The following ZFR variants were observed in gnomAD, a reference collection of about 807,000 sequenced individuals.
ZFR encodes the protein zinc finger RNA binding protein, also known as zinc finger RNA-binding protein.
In ZFR, 19 loss-of-function variants were observed where a neutral mutation model predicts 130.7. The observed-to-expected ratio is 0.15, with a 90% CI of 0.10 to 0.21. The LOEUF is 0.21. Ranked by LOEUF, ZFR falls within the 10% of genes least tolerant of loss-of-function variation. The pLI is 1.00. For synonymous variants in ZFR, 466 were observed against 456.9 expected, an observed-to-expected ratio of 1.02 and a Z score of -0.25; for missense variants, 872 against 1,321.5, an observed-to-expected ratio of 0.66 and a Z score of 5.27.
chr5:32,426,995 AC>A (rs1291325508), intron 2 of ZFR, among the ~76,000 whole-genome samples: 1 of 152,072 alleles, frequency 6.6e-6, no homozygotes, highest in Non-Finnish European at 1.5e-5. Flanking sequence ...TAAACACTCC[AC>A]AAAAAACTGT....
intron 15 of ZFR, 142 bp from the exon 16 acceptor site, chr5:32,380,314 C>T (rs1384483357): frequency 1.9e-6 from 1 of 525,648 alleles, no homozygotes; most frequent in Non-Finnish European, 3.5e-6. Flanking sequence ...GAGTTATTTT[C>T]AATAAATTTA....
intron 15 of ZFR, among the ~76,000 whole-genome samples, chr5:32,381,759 A>G (rs986993170): frequency 6.6e-6 from 1 of 152,184 alleles, no homozygotes; most frequent in Non-Finnish European, 1.5e-5. Flanking sequence ...AGATGGACAC[A>G]GATTCTTCAG....
In ZFR at chr5:32,430,703, A is replaced by C. The variant is rs538094329; in HGVS notation, c.138-10600T>G. 4.6e-5 allele frequency among the ~76,000 whole-genome samples: 7 copies of C among 152,326 alleles called. No individual in the cohort carries two copies. In the East Asian group the frequency reaches 1.3e-3, roughly 29 times the overall value. On this transcript the variant is annotated intron_variant, in intron 2 of 19. Coordinates refer to ENST00000265069, the MANE Select transcript of ZFR (RefSeq NM_016107.5). ...AACTCTTATGAGCAGCCAGAGGGAA[A>C]AAACTGCCTACAGAGATTAAGTGAT...
Position 32,355,435 on chromosome 5 carries a change from A to T in ZFR, c.*325T>A, listed in dbSNP as rs1209013574. 2.9e-5 allele frequency: 5 copies of T among 175,220 alleles called. No homozygotes were observed. Among genetic ancestry groups the T allele is most frequent in the Non-Finnish European group, 6.0e-5 (5 of 83,702 alleles). 10.9% of individuals were successfully genotyped at this position (175,220 alleles called of 1,614,324 possible). On this transcript the variant is annotated 3_prime_UTR_variant, in exon 20 of 20. Coordinates refer to ENST00000265069, the MANE Select transcript of ZFR (RefSeq NM_016107.5). ...CACACATCCTGCATTAAATACAGTG[A>T]AGATTTAATAAGACAATGCACTAGT...
chr5:32,433,423 T>G (rs1245250656), intron 2 of ZFR, among the ~76,000 whole-genome samples: 1 of 152,220 alleles, frequency 6.6e-6, no homozygotes, highest in Non-Finnish European at 1.5e-5. Context: ...TCAATTTTGA[T>G]GCACAAACTT....
At chr5:32,397,385 A>G (rs1481499150) in intron 9 of ZFR, 47 bp from the exon 10 acceptor site, 1 of 1,592,280 alleles carries the variant, frequency 6.3e-7, no homozygotes, top group Non-Finnish European at 8.6e-7. Context: ...TGAAGATTAT[A>G]TCATTCATAA....
At chr5:32,373,190 C>G (rs1049090564) in intron 17 of ZFR, among the ~76,000 whole-genome samples, 2 of 152,084 alleles carry the variant, frequency 1.3e-5, no homozygotes, top group Non-Finnish European at 2.9e-5. Flanking sequence ...ATGAGGAGTT[C>G]AAGACCAGCC....
At chr5:32,365,619 C>T (rs1255378728) in intron 17 of ZFR, among the ~76,000 whole-genome samples, 1 of 151,122 alleles carries the variant, frequency 6.6e-6, no homozygotes, top group Admixed American at 6.6e-5. Flanking sequence ...AATGCAGTGG[C>T]ATGACCATGG....
chr5:32,441,535 CAT>C (rs1754474209), intron 2 of ZFR, among the ~76,000 whole-genome samples: 1 of 151,026 alleles, frequency 6.6e-6, no homozygotes, highest in Non-Finnish European at 1.5e-5. Flanking sequence ...AAAAAAACTG[CAT>C]ATGTTTTCAG....
At chr5:32,444,098 TGGGCCGGGCCAGGCCTGCAGC>T (rs1561936904) in intron 2 of ZFR, 110 bp downstream of exon 2, 34 of 898,412 alleles carry the variant, frequency 3.8e-5, no homozygotes, top group Non-Finnish European at 4.6e-5. Flanking sequence ...GCCGCCGGGC[TGGGCCGGGCCAGGCCTGCAGC>T]GGGCCGGGGC....
At chr5:32,381,276 G>A (rs1482967815) in intron 15 of ZFR, among the ~76,000 whole-genome samples, 2 of 152,076 alleles carry the variant, frequency 1.3e-5, no homozygotes, top group Admixed American at 1.3e-4. Context: ...ATTCATAAAA[G>A]TAGACAAAGG....
At chr5:32,398,777 C>T (rs1753375695) in intron 9 of ZFR, among the ~76,000 whole-genome samples, 2 of 150,636 alleles carry the variant, frequency 1.3e-5, no homozygotes, top group South Asian at 4.2e-4. Flanking sequence ...ACCTCCACCT[C>T]CCAGGTTCAA....
chr5:32,422,263 A>G (rs1310969804), intron 2 of ZFR, among the ~76,000 whole-genome samples: 2 of 152,164 alleles, frequency 1.3e-5, no homozygotes, highest in African/African-American at 2.4e-5. Context: ...AGGAATGACC[A>G]TATGTTCTGG....
At chr5:32,364,388 C>A in intron 17 of ZFR, 113 bp from the exon 18 acceptor site, 1 of 682,684 alleles carries the variant, frequency 1.5e-6, no homozygotes, top group South Asian at 2.3e-5. Flanking sequence ...CTACATAGAA[C>A]AAGTCACAAA....
chr5:32,395,048 TG>T, intron 11 of ZFR, 110 bp downstream of exon 11: 1 of 1,370,948 alleles, frequency 7.3e-7, no homozygotes, highest in Non-Finnish European at 9.5e-7. Context: ...GAGTGAAAAT[TG>T]GAAGTAAATA....
chr5:32,424,087 A>T (rs758182263), intron 2 of ZFR, among the ~76,000 whole-genome samples: 8 of 152,242 alleles, frequency 5.3e-5, no homozygotes, highest in Non-Finnish European at 1.0e-4. Context: ...AGCCTAGGTC[A>T]GCAGCTGTGG....
At chr5:32,422,844 G>A (rs189995584) in intron 2 of ZFR, among the ~76,000 whole-genome samples, 17 of 111,668 alleles carry the variant, frequency 1.5e-4, no homozygotes, top group Admixed American at 8.8e-4. Context: ...AACACTTCAA[G>A]CATCAGACAT....
chr5:32,413,034 C>T (rs973464705), intron 5 of ZFR, among the ~76,000 whole-genome samples: 3 of 151,962 alleles, frequency 2.0e-5, no homozygotes, highest in African/African-American at 7.2e-5. Flanking sequence ...ACTAAAAATA[C>T]AAAAATTAGC....
At chr5:32,389,814 C>A (rs2111734980) in intron 12 of ZFR, among the ~76,000 whole-genome samples, 1 of 152,248 alleles carries the variant, frequency 6.6e-6, no homozygotes, top group Non-Finnish European at 1.5e-5. Flanking sequence ...GAAACATATT[C>A]CCTTCCTATA....
Sources: allele counts gnomAD v4.1 joint callset (sites outside exome capture counted in the v4.1 genomes callset), GRCh38; gene constraint gnomAD v4.1.1; transcripts MANE v1.5; gene names NCBI Gene and HGNC (gene_info 2026-07-23, HGNC 2026-07-21).